The following EPB41L4A variants were observed in gnomAD, a reference collection of about 807,000 sequenced individuals.
The protein encoded by EPB41L4A is band 4.1-like protein 4A.
EPB41L4A carries 100 observed loss-of-function variants against 108.6 expected under a neutral mutation model. The ratio of observed to expected loss-of-function variants is 0.92; its 90% CI spans 0.78 to 1.09. EPB41L4A has a LOEUF of 1.09. Among genes scored for constraint, EPB41L4A ranks in the 50% least tolerant of loss-of-function variants. The pLI is 0.00. For missense variants in EPB41L4A, 1,030 were observed against 842.7 expected, an observed-to-expected ratio of 1.22 and a Z score of -2.75; for synonymous variants, 319 against 289.0, an observed-to-expected ratio of 1.10 and a Z score of -1.05.
intron 12 of EPB41L4A, among the ~76,000 whole-genome samples, chr5:112,230,394 ATTTTT>A (rs953155933): frequency 1.1e-5 from 1 of 93,864 alleles, no homozygotes; most frequent in Non-Finnish European, 3.0e-5. Context: ...AACATCTATT[ATTTTT>A]TTTATTTTTT....
At chr5:112,213,351 TTG>T (rs796226696) in intron 12 of EPB41L4A, among the ~76,000 whole-genome samples, 2 of 78,518 alleles carry the variant, frequency 2.5e-5, no homozygotes, top group East Asian at 1.3e-3. Flanking sequence ...GTTTTTTTTT[TTG>T]TTTTTTTTTT....
intron 1 of EPB41L4A, among the ~76,000 whole-genome samples, chr5:112,365,476 AT>A (rs11288564): frequency 0.27 from 40,876 of 152,058 alleles, 6,117 homozygotes; most frequent in African/African-American, 0.41. Flanking sequence ...CTAAAGACTG[AT>A]TTTTTTTAAA....
intron 13 of EPB41L4A, among the ~76,000 whole-genome samples, chr5:112,206,388 C>G (rs887467984): frequency 4.0e-5 from 6 of 151,830 alleles, no homozygotes; most frequent in Admixed American, 1.3e-4. Context: ...GACTTGCACC[C>G]TAGTATACTA....
At chr5:112,208,780 A>C (rs189737434) in intron 13 of EPB41L4A, among the ~76,000 whole-genome samples, 25 of 152,320 alleles carry the variant, frequency 1.6e-4, no homozygotes, top group African/African-American at 5.8e-4. Flanking sequence ...TGCACATTCT[A>C]AAAAAGCGTG....
intron 1 of EPB41L4A, among the ~76,000 whole-genome samples, chr5:112,416,148 CTT>C (rs1014301029): frequency 3.3e-5 from 5 of 151,846 alleles, no homozygotes; most frequent in African/African-American, 4.8e-5. Context: ...CGATGAAAAA[CTT>C]TATCTAAGTT....
Position 112,220,603 on chromosome 5 carries a change from A to G in EPB41L4A, c.1088-10621T>C, listed in dbSNP as rs888731795. Among the ~76,000 whole-genome samples, 3 of 152,322 alleles carry G rather than the reference A, an allele frequency of 2.0e-5. No homozygotes were observed. The East Asian group carries it at 5.8e-4, about 29-fold the overall frequency. ...ATGAAAACTACCTGTGCCCAAGTAC[A>G]TCTTAGAAAGCCTCTGTGTGTTGCC... is the stretch of plus-strand genomic sequence containing the variant. On this transcript the variant is annotated intron_variant, in intron 12 of 22. Coordinates refer to ENST00000261486, the MANE Select transcript of EPB41L4A (RefSeq NM_022140.5).
chr5:112,402,849 A>T (rs915820600), intron 1 of EPB41L4A, among the ~76,000 whole-genome samples: 2 of 152,218 alleles, frequency 1.3e-5, no homozygotes, highest in Non-Finnish European at 1.5e-5. Context: ...TGTTGTTTCA[A>T]TACATAAATA....
rs147548986 is a variant in EPB41L4A, at chr5:112,298,403, G to A, written c.204+8983C>T. Among the ~76,000 whole-genome samples the A allele has an allele frequency of 4.2e-3, 643 of 152,246 alleles. 10 individuals carry two copies. Among genetic ancestry groups the A allele is most frequent in the Non-Finnish European group, 3.4e-3 (234 of 67,994 alleles). On this transcript the variant is annotated intron_variant, in intron 2 of 22. Transcript: ENST00000261486. ...AGGGTTTTAATCATAAAGGGATGCAGAATTTTGTCAAATGCTCTTTCTGCA... is the reference window on the plus strand; with the variant it reads ...AGGGTTTTAATCATAAAGGGATGCAAAATTTTGTCAAATGCTCTTTCTGCA...
intron 1 of EPB41L4A, among the ~76,000 whole-genome samples, chr5:112,336,856 G>T (rs1484118882): frequency 6.6e-6 from 1 of 152,128 alleles, no homozygotes; most frequent in Non-Finnish European, 1.5e-5. Context: ...CTTTCTCAAG[G>T]CCATGTCTAA....
At chr5:112,412,077 G>A (rs781749307) in intron 1 of EPB41L4A, among the ~76,000 whole-genome samples, 1 of 152,122 alleles carries the variant, frequency 6.6e-6, no homozygotes, top group Non-Finnish European at 1.5e-5. Context: ...AGAAGGTGTC[G>A]TTCCTAAACA....
At chr5:112,189,800 C>T (rs1040556627) in intron 17 of EPB41L4A, among the ~76,000 whole-genome samples, 2 of 152,190 alleles carry the variant, frequency 1.3e-5, no homozygotes, top group African/African-American at 2.4e-5. Context: ...AGATTCTCCT[C>T]AGTGAATGCT....
chr5:112,378,783 A>G (rs1433888294), intron 1 of EPB41L4A, among the ~76,000 whole-genome samples: 1 of 152,218 alleles, frequency 6.6e-6, no homozygotes, highest in African/African-American at 2.4e-5. Flanking sequence ...TGGATGCTCA[A>G]CTGAACATAC....
chr5:112,298,525 GGT>G (rs1561549887), intron 2 of EPB41L4A, among the ~76,000 whole-genome samples: 1 of 152,046 alleles, frequency 6.6e-6, no homozygotes, highest in Non-Finnish European at 1.5e-5. Context: ...CTGCATTCCT[GGT>G]ATGAAACACA....
chr5:112,381,882 A>C (rs1760198820), intron 1 of EPB41L4A, among the ~76,000 whole-genome samples: 1 of 152,214 alleles, frequency 6.6e-6, no homozygotes, highest in African/African-American at 2.4e-5. Flanking sequence ...CTCCTCCCAA[A>C]GTGAAGGAGG....
intron 1 of EPB41L4A, among the ~76,000 whole-genome samples, chr5:112,361,550 A>G (rs1758764386): frequency 7.6e-6 from 1 of 131,294 alleles, no homozygotes; most frequent in African/African-American, 2.8e-5. Context: ...AATAAAAAGA[A>G]AAAGGGATAT....
In EPB41L4A at chr5:112,262,519, T is replaced by A. The variant is rs1479030342; in HGVS notation, c.617A>T (p.Tyr206Phe). The A allele has an allele frequency of 6.2e-7, 1 of 1,614,058 alleles. No homozygotes were observed. Among genetic ancestry groups the A allele is most frequent in the Non-Finnish European group, 8.5e-7 (1 of 1,179,936 alleles). The stretch of plus-strand genomic sequence containing the variant: ...ATAGACGGGATGGAGGTCAACGCCA[T>A]ACATCTCCAGGGATTTGGCAGTCCT... ...YLRTAKSLEM[Y>F]GVDLHPVYGE... The change falls in exon 7 of 23, where the codon TAT becomes TTT. Residue 206 changes from tyrosine (Y) to phenylalanine (F), a missense_variant. By Grantham distance (22) the Tyr-to-Phe change is conservative. Transcript: ENST00000261486.
At position 112,286,057 on chromosome 5, in the gene EPB41L4A, T is replaced by C. The variant is rs1222211296; in HGVS notation, c.205-5734A>G. Among the ~76,000 whole-genome samples the C allele has an allele frequency of 2.0e-5, 3 of 152,072 alleles. No homozygotes were observed. The East Asian group carries it at 5.8e-4, about 29-fold the overall frequency. On this transcript the variant is annotated intron_variant, in intron 2 of 22. Coordinates refer to ENST00000261486, the MANE Select transcript of EPB41L4A (RefSeq NM_022140.5). ...TGCACAACTTAAATTTCAAGATTCT[T>C]ACTCTCAACTAATACTCTTCTCCCA... is the stretch of plus-strand genomic sequence containing the variant.
chr5:112,274,666 C>T (rs963347388), intron 4 of EPB41L4A, among the ~76,000 whole-genome samples: 1 of 152,184 alleles, frequency 6.6e-6, no homozygotes, highest in Non-Finnish European at 1.5e-5. Context: ...GTTTTTCCTA[C>T]CACATGCAGC....
At chr5:112,319,444 C>A (rs1388712007) in intron 1 of EPB41L4A, among the ~76,000 whole-genome samples, 1 of 152,286 alleles carries the variant, frequency 6.6e-6, no homozygotes, top group East Asian at 1.9e-4. Context: ...TTAAGTACAA[C>A]TGATTTGGTC....
Sources: allele counts gnomAD v4.1 joint callset (sites outside exome capture counted in the v4.1 genomes callset), GRCh38; gene constraint gnomAD v4.1.1; transcripts MANE v1.5; gene names NCBI Gene and HGNC (gene_info 2026-07-23, HGNC 2026-07-21).